NCS1: variants seen among roughly 807,000 people sequenced by gnomAD.
The protein encoded by NCS1 is frequenin homolog.
Under a neutral mutation model 28.4 loss-of-function variants are expected in NCS1, and 6 were observed. The observed-to-expected ratio is 0.21, with a 90% CI of 0.12 to 0.42. The LOEUF is 0.42. NCS1 is among the 10% of genes least tolerant of loss of function. NCS1 has a pLI of 1.00. For missense variants in NCS1, 131 were observed against 241.4 expected (o/e 0.54, Z 3.03); for synonymous variants, 86 against 99.3 (o/e 0.87, Z 0.79).
In NCS1 at chr9:130,205,549, A is replaced by AG. The variant is rs572317928; in HGVS notation, c.89+4567_89+4568insG. ...ACCTCGTCTCTTAGAAAAAAAAAAA[A>AG]AAAAAAGCCTGGGCACGGTGGCCCA... On this transcript the variant is annotated intron_variant, in intron 2 of 7. Transcript: ENST00000372398. 2.5e-4 allele frequency among the ~76,000 whole-genome samples: 38 copies of AG among 151,160 alleles called. No homozygotes were observed. The South Asian group carries it at 7.6e-3, about 30-fold the overall frequency.
At chr9:130,203,339 C>T (rs1207639567) in intron 2 of NCS1, among the ~76,000 whole-genome samples, 1 of 152,036 alleles carries the variant, frequency 6.6e-6, no homozygotes, top group Non-Finnish European at 1.5e-5. Context: ...TGGTCTTGAA[C>T]TCCTGGGCTC....
At chr9:130,174,777 GAAACTCTGTCTCCAAAAAAAAAAAAA>G (rs1832538217) in intron 1 of NCS1, among the ~76,000 whole-genome samples, 1 of 95,800 alleles carries the variant, frequency 1.0e-5, no homozygotes, top group Non-Finnish European at 1.9e-5. Flanking sequence ...CTCCAAGAGG[GAAACTCTGTCTCCAAAAAAAAAAAAA>G]AAAAGCTCTG....
Position 130,235,645 on chromosome 9 carries a change from G to C in NCS1, c.*2673G>C, listed in dbSNP as rs1425441489. 6.6e-6 allele frequency: 1 copy of C among 152,332 alleles called. No individual in the cohort carries two copies. The highest frequency in any genetic ancestry group is 6.5e-5 in the Admixed American group (1 of 15,284). 9.4% of individuals were successfully genotyped at this position (152,332 alleles called of 1,614,324 possible). On this transcript the variant is annotated 3_prime_UTR_variant, in exon 8 of 8. Transcript: ENST00000372398. ...CCAGCCCAGAGCTGCCGGAAGGGCC[G>C]CCCTTCCCGGCCCTGGCGGGGTGCT...
At chr9:130,225,802 T>A (rs370521543) in intron 6 of NCS1, among the ~76,000 whole-genome samples, 33 of 152,218 alleles carry the variant, frequency 2.2e-4, no homozygotes, top group African/African-American at 7.5e-4. Flanking sequence ...CGAGATCGAG[T>A]AGGTGCTCTC....
chr9:130,177,239 T>C lies in NCS1; in HGVS notation c.64+4512T>C, dbSNP rs1295568352. ...AGTTGGGTTCTTGGGTGTCTCTGGT[T>C]GTGGACTGTCCTGGGGCCCATGAGG... On this transcript the variant is annotated intron_variant, in intron 1 of 7. Transcript: ENST00000372398. This position sits in a 1 kb window ranked among gnomAD's most constrained non-coding sequence, Gnocchi z 4.4. Among the ~76,000 whole-genome samples the C allele has an allele frequency of 6.6e-6, 1 of 152,310 alleles. No individual in the cohort carries two copies. The highest frequency in any genetic ancestry group is 2.4e-5 in the African/African-American group (1 of 41,584).
rs1205683625 is a variant in NCS1 at position 130,209,834 on chromosome 9, C to T, written c.90-7998C>T. On this transcript the variant is annotated intron_variant, in intron 2 of 7. Transcript: ENST00000372398. This position sits in a 1 kb window ranked among gnomAD's most constrained non-coding sequence, Gnocchi z 4.4. Reference sequence around the variant, plus strand: ...GTCTCGTGGAGCTGGTTCCCAAACACAGTCAACCATATCAGAAACCTCGGC... The same window carrying T: ...GTCTCGTGGAGCTGGTTCCCAAACATAGTCAACCATATCAGAAACCTCGGC... 2.6e-5 allele frequency among the ~76,000 whole-genome samples: 4 copies of T among 152,314 alleles called. No homozygotes were observed. The East Asian group carries it at 7.7e-4, about 29-fold the overall frequency.
chr9:130,174,845 C>T, intron 1 of NCS1, among the ~76,000 whole-genome samples: 1 of 145,160 alleles, frequency 6.9e-6, no homozygotes, highest in Non-Finnish European at 1.5e-5. Flanking sequence ...TTGCTAGAAG[C>T]CCATGATGGT....
intron 7 of NCS1, among the ~76,000 whole-genome samples, chr9:130,227,056 A>AG (rs1833426464): frequency 6.6e-6 from 1 of 151,954 alleles, no homozygotes; most frequent in Admixed American, 6.6e-5. Context: ...AAAAAAAAAA[A>AG]AAGAAAAGAA....
intron 4 of NCS1, among the ~76,000 whole-genome samples, chr9:130,221,383 T>TC (rs1833286735): frequency 6.9e-5 from 2 of 28,786 alleles, no homozygotes; most frequent in Admixed American, 3.7e-4. Flanking sequence ...ATATCATATA[T>TC]ATATATATAT....
Position 130,180,901 on chromosome 9 carries a change from G to C in NCS1, c.64+8174G>C, listed in dbSNP as rs563535025. On this transcript the variant is annotated intron_variant, in intron 1 of 7. Transcript: ENST00000372398. This position sits in a 1 kb window ranked among gnomAD's most constrained non-coding sequence, Gnocchi z 4.5. ...GCCCGGCTGGGTTGGTGGCCGGATTGTTCTGTGTCTGGCTCCTGGCTTGGT... is the reference window on the plus strand; with the variant it reads ...GCCCGGCTGGGTTGGTGGCCGGATTCTTCTGTGTCTGGCTCCTGGCTTGGT... Among the ~76,000 whole-genome samples, 6 of 152,306 alleles carry C rather than the reference G, an allele frequency of 3.9e-5. No homozygotes were observed. The East Asian group carries it at 1.2e-3, about 29-fold the overall frequency.
In NCS1 at chr9:130,177,433, C is replaced by T. The variant is rs1554904727; in HGVS notation, c.64+4706C>T. Reference sequence around the variant, plus strand: ...CGTGGGGACATGGAGGGCCCACAGCCAGGCACAGGGTGAGCCACAAGGAGA... The same window carrying T: ...CGTGGGGACATGGAGGGCCCACAGCTAGGCACAGGGTGAGCCACAAGGAGA... On this transcript the variant is annotated intron_variant, in intron 1 of 7. Coordinates refer to ENST00000372398, the MANE Select transcript of NCS1 (RefSeq NM_014286.4). The surrounding 1 kb of genome is among the most constrained non-coding windows in gnomAD (Gnocchi z 4.4). 6.6e-6 allele frequency among the ~76,000 whole-genome samples: 1 copy of T among 152,140 alleles called. No homozygotes were observed. Among genetic ancestry groups the T allele is most frequent in the East Asian group, 1.9e-4 (1 of 5,198 alleles).
At chr9:130,206,038 C>A (rs1449375174) in intron 2 of NCS1, among the ~76,000 whole-genome samples, 2 of 152,154 alleles carry the variant, frequency 1.3e-5, no homozygotes, top group Non-Finnish European at 2.9e-5. Flanking sequence ...GGTCCCATCC[C>A]CTCAGGGCGA....
At position 130,221,304 on chromosome 9, in the gene NCS1, G is replaced by A. The variant is rs189400328; in HGVS notation, c.308-1346G>A. 3.2e-3 allele frequency among the ~76,000 whole-genome samples: 474 copies of A among 148,514 alleles called. 4 individuals are homozygous for A. Among genetic ancestry groups the A allele is most frequent in the African/African-American group, 0.011 (450 of 40,528 alleles). On this transcript the variant is annotated intron_variant, in intron 4 of 7. Coordinates refer to ENST00000372398, the MANE Select transcript of NCS1 (RefSeq NM_014286.4). ...CTTCCAAAGTGCTGGAATTACAGGT[G>A]TGAGCCACCGTGCCTGGCCCTGTTA...
At chr9:130,185,650 G>A (rs918503591) in intron 1 of NCS1, among the ~76,000 whole-genome samples, 4 of 152,270 alleles carry the variant, frequency 2.6e-5, no homozygotes, top group Non-Finnish European at 2.9e-5. Context: ...CCTGTTCAGA[G>A]GCAGGAGCTG....
At position 130,191,094 on chromosome 9, in the gene NCS1, A is replaced by T. The variant is rs67623236; in HGVS notation, c.65-9864A>T. 0.035 allele frequency among the ~76,000 whole-genome samples: 5,277 copies of T among 152,232 alleles called. 147 individuals carry two copies. The highest frequency in any genetic ancestry group is 0.05 in the Non-Finnish European group (3,393 of 67,988). ...AGGGCGCCCACCATGTGCTGGGCTCAGTGCTTGTGATGTGTATCCTCTCGT... is the reference window on the plus strand; with the variant it reads ...AGGGCGCCCACCATGTGCTGGGCTCTGTGCTTGTGATGTGTATCCTCTCGT... On this transcript the variant is annotated intron_variant, in intron 1 of 7. Transcript: ENST00000372398. This position sits in a 1 kb window ranked among gnomAD's most constrained non-coding sequence, Gnocchi z 6.4.
rs1833251398 is a variant in NCS1 at position 130,219,932 on chromosome 9, T to A, written c.307+129T>A. On this transcript the variant is annotated intron_variant, in intron 4 of 7. Transcript: ENST00000372398. The surrounding 1 kb of genome is among the most constrained non-coding windows in gnomAD (Gnocchi z 5.7). The stretch of plus-strand genomic sequence containing the variant: ...CAGTGACCACAGATGGCGTCCCAGC[T>A]GTGTCTGCAGAGGGCAGGCCTGGGC... The A allele has an allele frequency of 9.8e-7, 1 of 1,020,946 alleles. No individual in the cohort carries two copies. The highest frequency in any genetic ancestry group is 2.5e-5 in the East Asian group (1 of 39,372). 63.2% of individuals were successfully genotyped at this position (1,020,946 alleles called of 1,614,324 possible).
In NCS1 at chr9:130,186,918, G is replaced by A. The variant is rs782019392; in HGVS notation, c.65-14040G>A. 3.3e-5 allele frequency among the ~76,000 whole-genome samples: 5 copies of A among 152,254 alleles called. No homozygotes were observed. Among genetic ancestry groups the A allele is most frequent in the Non-Finnish European group, 7.3e-5 (5 of 68,046 alleles). ...AGGGGCACTGACGAGCGATTGAGCAGCTCAGAGGTGAGCTTATGTGGCCAG... is the reference window on the plus strand; with the variant it reads ...AGGGGCACTGACGAGCGATTGAGCAACTCAGAGGTGAGCTTATGTGGCCAG... On this transcript the variant is annotated intron_variant, in intron 1 of 7. Coordinates refer to ENST00000372398, the MANE Select transcript of NCS1 (RefSeq NM_014286.4). This position sits in a 1 kb window ranked among gnomAD's most constrained non-coding sequence, Gnocchi z 4.1.
intron 2 of NCS1, among the ~76,000 whole-genome samples, chr9:130,211,242 A>AC (rs1554908764): frequency 6.6e-6 from 1 of 150,784 alleles, no homozygotes; most frequent in Admixed American, 6.6e-5. Flanking sequence ...AATCATAGGG[A>AC]CCCCTCTGCC....
chr9:130,193,142 T>C (rs566194623), intron 1 of NCS1, among the ~76,000 whole-genome samples: 1 of 152,174 alleles, frequency 6.6e-6, no homozygotes, highest in South Asian at 2.1e-4. Context: ...AGCTGTGCTG[T>C]TGCTGCCCAG....
Sources: gnomAD v4.1 joint callset for allele counts (sites outside exome capture counted in the v4.1 genomes callset) on GRCh38, gnomAD v4.1.1 for gene constraint, Gnocchi (gnomAD v3.1) non-coding constraint, MANE v1.5 for transcripts, NCBI Gene and HGNC (gene_info 2026-07-23, HGNC 2026-07-21) for gene names.